Variants in TASOR2 observed in about 807,000 individuals in gnomAD.
TASOR2 encodes the protein transcription activation suppressor family member 2.
TASOR2 carries 84 observed loss-of-function variants against 199.5 expected under a neutral mutation model. The observed-to-expected ratio is 0.42, with a 90% CI of 0.35 to 0.50. The LOEUF (loss-of-function observed/expected upper bound fraction) is 0.50, where lower values mean the gene tolerates loss of function less well. TASOR2 is among the 20% of genes least tolerant of loss of function. TASOR2 has a pLI of 0.02. For synonymous variants in TASOR2, 1,103 were observed against 1,046.6 expected (o/e 1.05, Z -1.04); for missense variants, 2,796 against 2,835.9 (o/e 0.99, Z 0.32).
intron 1 of TASOR2, among the ~76,000 whole-genome samples, chr10:5,708,594 CTA>C (rs1196993194): frequency 2.7e-5 from 4 of 147,476 alleles, no homozygotes; most frequent in South Asian, 2.3e-4. Flanking sequence ...CTCTCTTTCT[CTA>C]TCTCTTCCTT....
chr10:5,721,708 A>G (rs1016281895), intron 6 of TASOR2, among the ~76,000 whole-genome samples: 13 of 152,360 alleles, frequency 8.5e-5, no homozygotes, highest in African/African-American at 3.1e-4. Flanking sequence ...TGACAACACC[A>G]TAATAATCAA....
chr10:5,704,321 C>T (rs1185948362), intron 1 of TASOR2, among the ~76,000 whole-genome samples: 3 of 151,918 alleles, frequency 2.0e-5, no homozygotes, highest in African/African-American at 7.3e-5. Flanking sequence ...ACTAACTCTA[C>T]CACTTATTTA....
rs1395941579 is a variant in TASOR2 at position 5,698,368 on chromosome 10, A to G, written c.-288+13193A>G. On this transcript the variant is annotated intron_variant, in intron 1 of 20. Transcript: ENST00000328090. The surrounding 1 kb of genome is among the most constrained non-coding windows in gnomAD (Gnocchi z 4.4). ...TAGAGATGTGAGTGATAAAAAAATG[A>G]TTGTGGTTGTAAGCCAGTGAACTTC... Among the ~76,000 whole-genome samples the G allele has an allele frequency of 6.6e-6, 1 of 152,206 alleles. No individual in the cohort carries two copies. The highest frequency in any genetic ancestry group is 1.5e-5 in the Non-Finnish European group (1 of 68,030).
Position 5,750,252 on chromosome 10 carries a change from T to G in TASOR2, c.6606+225T>G, listed in dbSNP as rs1353245156. 6.6e-6 allele frequency among the ~76,000 whole-genome samples: 1 copy of G among 152,116 alleles called. No individual in the cohort carries two copies. Among genetic ancestry groups the G allele is most frequent in the Non-Finnish European group, 1.5e-5 (1 of 68,040 alleles). On this transcript the variant is annotated intron_variant, in intron 15 of 20. Coordinates refer to ENST00000328090, the Ensembl canonical transcript of TASOR2. The surrounding 1 kb of genome is among the most constrained non-coding windows in gnomAD (Gnocchi z 5.4). The stretch of plus-strand genomic sequence containing the variant: ...TTCCAGAATTAGGGCAATGACTAAT[T>G]TTTTTTCACAAAAAGTTACCAGTGT...
At chr10:5,760,412 T>C (rs1839634763) in intron 18 of TASOR2, among the ~76,000 whole-genome samples, 1 of 152,216 alleles carries the variant, frequency 6.6e-6, no homozygotes, top group Non-Finnish European at 1.5e-5. Context: ...GAGAACTCAT[T>C]AGAAAACTCT....
rs199807195 is a variant in TASOR2 at position 5,748,146 on chromosome 10, A to G, written c.4725A>G (p.Pro1575=). Residue 1575 remains proline, a synonymous_variant, in exon 15 of 21, where the codon CCA becomes CCG. Coordinates refer to ENST00000328090, the Ensembl canonical transcript of TASOR2. This position sits in a 1 kb window ranked among gnomAD's most constrained non-coding sequence, Gnocchi z 5.1. The stretch of plus-strand genomic sequence containing the variant: ...TTGTCTTGGAGTCCAGTGAACCTCC[A>G]TTTGGTCCTAGAAATGTTATTGAAA... 525 of 1,614,106 alleles carry G rather than the reference A, an allele frequency of 3.3e-4. 1 individual carries two copies. Among genetic ancestry groups the G allele is most frequent in the Admixed American group, 4.2e-4 (25 of 60,016 alleles).
intron 1 of TASOR2, among the ~76,000 whole-genome samples, chr10:5,702,244 A>C (rs1837957406): frequency 6.6e-6 from 1 of 152,096 alleles, no homozygotes; most frequent in Non-Finnish European, 1.5e-5. Flanking sequence ...TAGTTCTGTT[A>C]ATATATCACA....
rs1320114244 is a variant in TASOR2, at chr10:5,752,417, C to A, written c.6606+2390C>A. Among the ~76,000 whole-genome samples, 2 of 152,108 alleles carry A rather than the reference C, an allele frequency of 1.3e-5. No individual in the cohort carries two copies. Among genetic ancestry groups the A allele is most frequent in the Admixed American group, 6.5e-5 (1 of 15,276 alleles). ...AGGCCGCGTGCAAAACTGGACGTGC[C>A]GTGTGTCGGTTCCACACATGAGGGG... On this transcript the variant is annotated intron_variant, in intron 15 of 20. Transcript: ENST00000328090. The surrounding 1 kb of genome is among the most constrained non-coding windows in gnomAD (Gnocchi z 4.4).
intron 6 of TASOR2, among the ~76,000 whole-genome samples, chr10:5,721,532 A>T (rs186212682): frequency 6.6e-6 from 1 of 152,098 alleles, no homozygotes; most frequent in Non-Finnish European, 1.5e-5. Flanking sequence ...TGTTGTGAGG[A>T]TTCATTTTTT....
rs576295411 is a variant in TASOR2 at position 5,741,838 on chromosome 10, C to T, written c.2328-259C>T. On this transcript the variant is annotated intron_variant, in intron 13 of 20. Transcript: ENST00000328090. ...TGCTACCCATGTTCAGATCATGGTT[C>T]TGCCATACAGGTTTTGTGATTTGAA... 1.9e-3 allele frequency among the ~76,000 whole-genome samples: 286 copies of T among 152,310 alleles called. 1 individual carries two copies. Among genetic ancestry groups the T allele is most frequent in the African/African-American group, 6.4e-3 (266 of 41,572 alleles).
exon 21 of TASOR2, chr10:5,763,099 T>C: frequency 6.6e-7 from 1 of 1,503,998 alleles, no homozygotes; most frequent in Admixed American, 1.7e-5. Flanking sequence ...TTTGGAAAAC[T>C]TGTGAACATG....
At position 5,739,691 on chromosome 10, in the gene TASOR2, T is replaced by TA; in HGVS notation, c.1522dup (p.Ser508LysfsTer13). The TA allele has an allele frequency of 6.2e-7, 1 of 1,614,072 alleles. No individual in the cohort carries two copies. The highest frequency in any genetic ancestry group is 8.5e-7 in the Non-Finnish European group (1 of 1,180,012). On this transcript the variant is annotated frameshift_variant, in exon 13 of 21. Transcript: ENST00000328090. LOFTEE classifies it high-confidence loss of function. ...GTCAAGAAGATGGGATTAGCATAAATAGTGTTCAACCAGAAAATACCACAG... is the reference window on the plus strand; with the variant it reads ...GTCAAGAAGATGGGATTAGCATAAATAAGTGTTCAACCAGAAAATACCACAG...
chr10:5,746,518 C>T (rs745455067), exon 15 of TASOR2: 2 of 1,614,064 alleles, frequency 1.2e-6, no homozygotes, highest in African/African-American at 2.7e-5. Context: ...TGAATGTCAC[C>T]CTTCCTTGGA....
exon 15 of TASOR2, chr10:5,746,200 C>G (rs746132389): frequency 7.8e-6 from 12 of 1,540,944 alleles, no homozygotes. Flanking sequence ...AGAAGCTAAA[C>G]AAGAATCATT....
rs962499213 is a variant in TASOR2 at position 5,710,312 on chromosome 10, A to G, written c.-287-2511A>G. Among the ~76,000 whole-genome samples the G allele has an allele frequency of 9.9e-5, 15 of 152,218 alleles. No individual in the cohort carries two copies. Among genetic ancestry groups the G allele is most frequent in the African/African-American group, 3.6e-4 (15 of 41,554 alleles). ...TTTCCAACAACTTTGTTTTTAACAT[A>G]CCTCTGCTAACCATAAAATCACTGC... On this transcript the variant is annotated intron_variant, in intron 1 of 20. Coordinates refer to ENST00000328090, the Ensembl canonical transcript of TASOR2. This position sits in a 1 kb window ranked among gnomAD's most constrained non-coding sequence, Gnocchi z 4.6.
exon 10 of TASOR2, chr10:5,727,069 G>A (rs1353186349): frequency 6.2e-7 from 1 of 1,613,958 alleles, no homozygotes. Flanking sequence ...AGATTTTGGA[G>A]GCAAGCAGAT....
intron 2 of TASOR2, among the ~76,000 whole-genome samples, chr10:5,715,319 A>G (rs1290694795): frequency 6.6e-6 from 1 of 151,872 alleles, no homozygotes. Flanking sequence ...GGTAACCATC[A>G]TAACAGTCAA....
chr10:5,724,305 A>ATG (rs1302836394), intron 7 of TASOR2, 125 bp from the exon 9 acceptor site: 4 of 423,662 alleles, frequency 9.4e-6, no homozygotes, highest in African/African-American at 6.6e-5. Flanking sequence ...AGAACAGTAA[A>ATG]TGATAAAGGT....
At position 5,727,000 on chromosome 10, in the gene TASOR2, T is replaced by C. The variant is rs1336497868; in HGVS notation, c.424+43T>C. 4.3e-6 allele frequency: 7 copies of C among 1,613,238 alleles called. No individual in the cohort carries two copies. In the South Asian group the frequency reaches 7.7e-5, roughly 18 times the overall value. On this transcript the variant is annotated intron_variant, in intron 9 of 20. Coordinates refer to ENST00000328090, the Ensembl canonical transcript of TASOR2. ...GGGAAAAAATATTTTTCATTATGTTTACTTTTGCTTTATAAGATCAACAAC... is the reference window on the plus strand; with the variant it reads ...GGGAAAAAATATTTTTCATTATGTTCACTTTTGCTTTATAAGATCAACAAC...
Sources: allele counts gnomAD v4.1 joint callset (sites outside exome capture counted in the v4.1 genomes callset), GRCh38; gene constraint gnomAD v4.1.1; non-coding constraint Gnocchi (gnomAD v3.1); transcripts MANE v1.5; gene names NCBI Gene and HGNC (gene_info 2026-07-23, HGNC 2026-07-21).